The following TMEM116 variants were observed in gnomAD, a reference collection of about 807,000 sequenced individuals.
TMEM116 encodes the protein transmembrane protein 116.
In TMEM116, 38 loss-of-function variants were observed where a neutral mutation model predicts 44.3. The ratio of observed to expected loss-of-function variants is 0.86; its 90% CI spans 0.66 to 1.12. TMEM116 has a LOEUF of 1.12. Ranked by LOEUF, TMEM116 falls within the 50% of genes most tolerant of loss-of-function variation. The probability of loss-of-function intolerance (pLI) is 0.00; values close to 1 mark genes in which losing one functional copy is unlikely to be tolerated. For missense variants in TMEM116, 354 were observed against 401.7 expected (o/e 0.88, Z 1.01); for synonymous variants, 132 against 144.8 (o/e 0.91, Z 0.64).
Position 111,931,610 on chromosome 12 carries a change from G to C in TMEM116, c.*11C>G, listed in dbSNP as rs2071640880. 1 of 1,611,460 alleles carries C rather than the reference G, an allele frequency of 6.2e-7. No homozygotes were observed. Among genetic ancestry groups the C allele is most frequent in the Non-Finnish European group, 8.5e-7 (1 of 1,177,734 alleles). On this transcript the variant is annotated 3_prime_UTR_variant, in exon 11 of 11. Coordinates refer to ENST00000552374, the MANE Select transcript of TMEM116 (RefSeq NM_001193531.2). ...ATAACTCCAGTTCCTGGATGTTCCAGTATTGTAGTTTCAAAAAATGGTAGA... is the reference window on the plus strand; with the variant it reads ...ATAACTCCAGTTCCTGGATGTTCCACTATTGTAGTTTCAAAAAATGGTAGA...
At chr12:111,992,722 A>G (rs2076685720) in intron 3 of TMEM116, among the ~76,000 whole-genome samples, 2 of 152,182 alleles carry the variant, frequency 1.3e-5, no homozygotes, top group Admixed American at 1.3e-4. Flanking sequence ...TCGGTTTCTG[A>G]CCACACTGGT....
At chr12:111,956,857 C>G (rs370790704) in intron 4 of TMEM116, among the ~76,000 whole-genome samples, 1 of 152,146 alleles carries the variant, frequency 6.6e-6, no homozygotes, top group African/African-American at 2.4e-5. Flanking sequence ...GATCTCGGAT[C>G]GCTACAACCT....
At chr12:112,000,036 T>C (rs965988350) in intron 3 of TMEM116, among the ~76,000 whole-genome samples, 3 of 152,240 alleles carry the variant, frequency 2.0e-5, no homozygotes, top group African/African-American at 7.2e-5. Flanking sequence ...TGAAAATATG[T>C]AGACACTGGT....
chr12:111,933,820 A>T, intron 9 of TMEM116, 66 bp downstream of exon 9: 1 of 1,590,098 alleles, frequency 6.3e-7, no homozygotes, highest in Non-Finnish European at 8.6e-7. Context: ...TAGTGAGACC[A>T]CTTTGCTTGA....
At chr12:111,970,359 G>A (rs2075263124) in intron 4 of TMEM116, among the ~76,000 whole-genome samples, 1 of 151,590 alleles carries the variant, frequency 6.6e-6, no homozygotes, top group South Asian at 2.1e-4. Context: ...AAACTGCAAA[G>A]ACTATTGGTG....
At position 112,005,147 on chromosome 12, in the gene TMEM116, C is replaced by T; in HGVS notation, c.14+110G>A. 4.6e-6 allele frequency: 3 copies of T among 652,332 alleles called. No individual in the cohort carries two copies. In the South Asian group the frequency reaches 7.7e-5, roughly 17 times the overall value. The allele number at this position is 652,332 out of a possible 1,614,324, so 40.4% of individuals were successfully genotyped here. A position where few individuals can be genotyped will look rare whatever the true frequency, so the allele number is the denominator to read the frequency against. On this transcript the variant is annotated intron_variant, in intron 2 of 10. Coordinates refer to ENST00000552374, the MANE Select transcript of TMEM116 (RefSeq NM_001193531.2). Reference sequence around the variant, plus strand: ...ATCAAGATGATAAAGAATATCATTTCTCTTTAACTAAAGAGTAAAAGCAAA... The same window carrying T: ...ATCAAGATGATAAAGAATATCATTTTTCTTTAACTAAAGAGTAAAAGCAAA...
chr12:111,949,761 T>C (rs1341231501), intron 4 of TMEM116, among the ~76,000 whole-genome samples: 1 of 152,196 alleles, frequency 6.6e-6, no homozygotes, highest in African/African-American at 2.4e-5. Context: ...GTACCTCCAA[T>C]CCAACCTTCT....
At chr12:111,955,184 G>A (rs765484136) in intron 4 of TMEM116, among the ~76,000 whole-genome samples, 52 of 152,084 alleles carry the variant, frequency 3.4e-4, no homozygotes, top group African/African-American at 1.2e-3. Context: ...ATAAATGCCC[G>A]CAGCACTGGC....
chr12:111,934,264 G>A (rs1452118546), intron 8 of TMEM116: 8 of 458,648 alleles, frequency 1.7e-5, no homozygotes, highest in African/African-American at 4.0e-5. Context: ...TGTGTATCAC[G>A]TTTAACACAT....
intron 4 of TMEM116, among the ~76,000 whole-genome samples, chr12:111,990,636 A>G (rs974578017): frequency 6.6e-6 from 1 of 152,270 alleles, no homozygotes; most frequent in Non-Finnish European, 1.5e-5. Context: ...CAAAGGAAAT[A>G]TCTAGCAGTG....
At chr12:111,978,198 G>A (rs2075770296) in intron 4 of TMEM116, among the ~76,000 whole-genome samples, 6 of 151,280 alleles carry the variant, frequency 4.0e-5, no homozygotes, top group South Asian at 2.1e-4. Context: ...TCAGGAGTTC[G>A]AGACCAGCCT....
At chr12:111,947,767 A>G (rs1028682370) in intron 4 of TMEM116, among the ~76,000 whole-genome samples, 2 of 152,202 alleles carry the variant, frequency 1.3e-5, no homozygotes, top group Non-Finnish European at 2.9e-5. Context: ...CAAATTTCTA[A>G]TAACTTCAAT....
chr12:111,933,683 A>G (rs1034164698), intron 9 of TMEM116, among the ~76,000 whole-genome samples: 8 of 149,168 alleles, frequency 5.4e-5, no homozygotes, highest in Admixed American at 2.7e-4. Context: ...TTTTTAGTAG[A>G]GACGGGGTTT....
intron 4 of TMEM116, among the ~76,000 whole-genome samples, chr12:111,975,149 A>G (rs1565925690): frequency 6.6e-6 from 1 of 152,166 alleles, no homozygotes; most frequent in African/African-American, 2.4e-5. Flanking sequence ...CTGACAAGCG[A>G]TATCTGTTTT....
chr12:111,966,514 T>C (rs1248232450), intron 4 of TMEM116, among the ~76,000 whole-genome samples: 1 of 152,172 alleles, frequency 6.6e-6, no homozygotes, highest in Non-Finnish European at 1.5e-5. Context: ...GAAAATTATA[T>C]TTAAGCCAAA....
chr12:111,943,681 C>T (rs538055144), intron 4 of TMEM116, among the ~76,000 whole-genome samples: 6 of 152,132 alleles, frequency 3.9e-5, no homozygotes, highest in Admixed American at 2.0e-4. Context: ...ATTACAGACA[C>T]GTGCCACTAC....
At chr12:111,986,809 A>C (rs59525243) in intron 4 of TMEM116, among the ~76,000 whole-genome samples, 278 of 152,158 alleles carry the variant, frequency 1.8e-3, no homozygotes, top group African/African-American at 6.1e-3. Flanking sequence ...ACTCTGTCTC[A>C]AATAAATAAA....
chr12:112,002,770 C>T (rs1180578580), intron 3 of TMEM116, among the ~76,000 whole-genome samples: 2 of 152,024 alleles, frequency 1.3e-5, no homozygotes, highest in Non-Finnish European at 2.9e-5. Flanking sequence ...AGTAAGTGTT[C>T]AACATACAGA....
Position 111,978,231 on chromosome 12 carries a change from C to A in TMEM116, c.210+13527G>T, listed in dbSNP as rs1397475083. On this transcript the variant is annotated intron_variant, in intron 4 of 10. Coordinates refer to ENST00000552374, the MANE Select transcript of TMEM116 (RefSeq NM_001193531.2). Reference sequence around the variant, plus strand: ...CCTGACCAACATGGTAAAACCCTGTCTCTACTAAAAATACAAAAAGTTAGC... The same window carrying A: ...CCTGACCAACATGGTAAAACCCTGTATCTACTAAAAATACAAAAAGTTAGC... Among the ~76,000 whole-genome samples the A allele has an allele frequency of 4.6e-5, 7 of 151,952 alleles. No homozygotes were observed. The South Asian group carries it at 1.5e-3, about 32-fold the overall frequency.
Sources: gnomAD v4.1 joint callset for allele counts (sites outside exome capture counted in the v4.1 genomes callset) on GRCh38, gnomAD v4.1.1 for gene constraint, MANE v1.5 for transcripts, NCBI Gene and HGNC (gene_info 2026-07-23, HGNC 2026-07-21) for gene names.